MDM4: variants seen among roughly 807,000 people sequenced by gnomAD.
MDM4 encodes the protein protein Mdm4.
In MDM4, 2 loss-of-function variants were observed where a neutral mutation model predicts 60.2. That is an observed-to-expected ratio of 0.03 (90% CI 0.01 to 0.10). The LOEUF is 0.10. MDM4 is among the 10% of genes least tolerant of loss of function. The probability of loss-of-function intolerance (pLI) is 1.00; values close to 1 mark genes in which losing one functional copy is unlikely to be tolerated. For synonymous variants in MDM4, 202 were observed against 198.1 expected (o/e 1.02, Z -0.17); for missense variants, 447 against 577.5 (o/e 0.77, Z 2.32).
At chr1:204,529,430 GC>G in intron 3 of MDM4, 1 of 1,462,184 alleles carries the variant, frequency 6.8e-7, no homozygotes, top group Non-Finnish European at 9.5e-7. Context: ...GACCATAGGG[GC>G]CCCCTGGAGC....
intron 3 of MDM4, among the ~76,000 whole-genome samples, chr1:204,529,928 A>G (rs4252694): frequency 0.58 from 88,608 of 152,048 alleles, 28,012 homozygotes; most frequent in Non-Finnish European, 0.69. Flanking sequence ...CCATGCTGGA[A>G]TGCAGTGGTG....
rs1046399049 is a variant in MDM4, at chr1:204,523,550, C to T, written c.-35-1934C>T. Reference sequence around the variant, plus strand: ...CCAGGCTGGAGTGCAGTGGCACAGTCTTGGCTCACTGCAACCTCCACCTTG... The same window carrying T: ...CCAGGCTGGAGTGCAGTGGCACAGTTTTGGCTCACTGCAACCTCCACCTTG... On this transcript the variant is annotated intron_variant, in intron 1 of 10. Coordinates refer to ENST00000367182, the MANE Select transcript of MDM4 (RefSeq NM_002393.5). 1.8e-4 allele frequency among the ~76,000 whole-genome samples: 22 copies of T among 119,100 alleles called. No homozygotes were observed. The East Asian group carries it at 6.3e-3, about 34-fold the overall frequency. 78.1% of individuals were successfully genotyped at this position (119,100 alleles called of 152,430 possible).
intron 1 of MDM4, among the ~76,000 whole-genome samples, chr1:204,524,975 T>C (rs1363314897): frequency 6.6e-6 from 1 of 152,218 alleles, no homozygotes; most frequent in African/African-American, 2.4e-5. Flanking sequence ...CTGGGGTTGG[T>C]ACATTTACAA....
In MDM4 at chr1:204,553,538, C is replaced by T. The variant is rs546282360; in HGVS notation, c.*3856C>T. The T allele has an allele frequency of 3.1e-5, 7 of 227,266 alleles. No homozygotes were observed. The highest frequency in any genetic ancestry group is 6.1e-5 in the Non-Finnish European group (7 of 114,460). The allele number at this position is 227,266 out of a possible 1,614,324, so 14.1% of individuals were successfully genotyped here. On this transcript the variant is annotated 3_prime_UTR_variant, in exon 11 of 11. Coordinates refer to ENST00000367182, the MANE Select transcript of MDM4 (RefSeq NM_002393.5). ...CTTGATTGTGAGGAAGGATCTGTGT[C>T]ATTGGAGCTTGTTTCTGCTGCAACG...
intron 1 of MDM4, among the ~76,000 whole-genome samples, chr1:204,519,819 A>G (rs1315683745): frequency 6.6e-6 from 1 of 152,078 alleles, no homozygotes. Context: ...GTCTCAAAAC[A>G]TCTATATCTA....
rs1162185612 is a variant in MDM4 at position 204,554,617 on chromosome 1, G to A, written c.*4935G>A. On this transcript the variant is annotated 3_prime_UTR_variant, in exon 11 of 11. Transcript: ENST00000367182. ...ATTTATCAGACTTGTGAGTAAACAAGTTGAAGTTTAGCAGATGAGGGGGAA... is the reference window on the plus strand; with the variant it reads ...ATTTATCAGACTTGTGAGTAAACAAATTGAAGTTTAGCAGATGAGGGGGAA... The A allele has an allele frequency of 8.8e-6, 2 of 227,220 alleles. No individual in the cohort carries two copies. Among genetic ancestry groups the A allele is most frequent in the Admixed American group, 5.7e-5 (1 of 17,580 alleles). The allele number at this position is 227,220 out of a possible 1,614,324, so 14.1% of individuals were successfully genotyped here. A position where few individuals can be genotyped will look rare whatever the true frequency, so the allele number is the denominator to read the frequency against.
Position 204,544,618 on chromosome 1 carries a change from A to G in MDM4, c.756A>G (p.Gly252=). Reference sequence around the variant, plus strand: ...CAGTATCAGAGCAGTTAGGTGTTGGAATAAAAGTTGAAGCTGCTGATACTG... The same window carrying G: ...CAGTATCAGAGCAGTTAGGTGTTGGGATAAAAGTTGAAGCTGCTGATACTG... ...NESVSEQLGV[G]IKVEAADTEQ... The change falls in exon 9 of 11, where the codon GGA becomes GGG. Residue 252 remains glycine, a synonymous_variant. Transcript: ENST00000367182. 6.2e-7 allele frequency: 1 copy of G among 1,613,874 alleles called. No homozygotes were observed. The highest frequency in any genetic ancestry group is 8.5e-7 in the Non-Finnish European group (1 of 1,179,878).
chr1:204,534,494 G>C (rs974399531), intron 5 of MDM4, among the ~76,000 whole-genome samples: 1 of 151,758 alleles, frequency 6.6e-6, no homozygotes, highest in African/African-American at 2.4e-5. Context: ...TGTTGGTTTT[G>C]TTTTGTTTTG....
chr1:204,520,959 G>C (rs1243983171), intron 1 of MDM4, among the ~76,000 whole-genome samples: 1 of 152,148 alleles, frequency 6.6e-6, no homozygotes, highest in Non-Finnish European at 1.5e-5. Flanking sequence ...TTGAATAAAA[G>C]AGTTATGATT....
intron 3 of MDM4, among the ~76,000 whole-genome samples, chr1:204,530,200 G>A (rs1395195127): frequency 6.6e-6 from 1 of 152,114 alleles, no homozygotes; most frequent in Non-Finnish European, 1.5e-5. Flanking sequence ...TAAACACTTG[G>A]ATTTTATGTT....
intron 8 of MDM4, 59 bp downstream of exon 8, chr1:204,543,003 G>T (rs1371351036): frequency 1.4e-5 from 19 of 1,399,064 alleles, no homozygotes; most frequent in South Asian, 2.5e-5. Flanking sequence ...AACATTCTTG[G>T]TTACTCTTGA....
chr1:204,517,929 A>G (rs1222789902), intron 1 of MDM4, among the ~76,000 whole-genome samples: 3 of 151,898 alleles, frequency 2.0e-5, no homozygotes, highest in Admixed American at 1.3e-4. Flanking sequence ...TGGGAGGCCA[A>G]GGGGGCAGGT....
intron 1 of MDM4, 125 bp downstream of exon 1, chr1:204,516,634 G>C (rs949513762): frequency 6.6e-6 from 1 of 152,266 alleles, no homozygotes; most frequent in Non-Finnish European, 1.5e-5. Context: ...GTCGGGCGGC[G>C]TGGGGAAGGC....
rs994027032 is a variant in MDM4, at chr1:204,552,117, C to A, written c.*2435C>A. 2 of 154,476 alleles carry A rather than the reference C, an allele frequency of 1.3e-5. 1 individual carries two copies. The highest frequency in any genetic ancestry group is 4.2e-4 in the South Asian group (2 of 4,812). 9.6% of individuals were successfully genotyped at this position (154,476 alleles called of 1,614,324 possible). ...AGAAACCCCATTTTTACTAAAAATA[C>A]AAAAAATTAGCTGGGCATGGTGGTG... On this transcript the variant is annotated 3_prime_UTR_variant, in exon 11 of 11. Coordinates refer to ENST00000367182, the MANE Select transcript of MDM4 (RefSeq NM_002393.5).
intron 7 of MDM4, among the ~76,000 whole-genome samples, chr1:204,541,507 G>A (rs1662077824): frequency 6.6e-6 from 1 of 152,072 alleles, no homozygotes; most frequent in African/African-American, 2.4e-5. Flanking sequence ...GGCAAGGGCA[G>A]GTATTTAAGA....
At chr1:204,531,996 A>G (rs1308528576) in intron 4 of MDM4, among the ~76,000 whole-genome samples, 195 bp from the exon 5 acceptor site, 1 of 152,170 alleles carries the variant, frequency 6.6e-6, no homozygotes, top group African/African-American at 2.4e-5. Context: ...GCAGAGTAAC[A>G]CAGGGGCCTG....
In MDM4 at chr1:204,530,672, T is replaced by C. The variant is rs376868364; in HGVS notation, c.154-12T>C. The C allele has an allele frequency of 5.0e-6, 8 of 1,614,168 alleles. No homozygotes were observed. Among genetic ancestry groups the C allele is most frequent in the Middle Eastern group, 3.3e-4 (2 of 6,058 alleles). ...CTGGACAGATCACAACATGGTATTTTATTCCATGCAGGTCATGCACTATTT... is the reference window on the plus strand; with the variant it reads ...CTGGACAGATCACAACATGGTATTTCATTCCATGCAGGTCATGCACTATTT... On this transcript the variant is annotated splice_polypyrimidine_tract_variant and intron_variant, in intron 3 of 10. Transcript: ENST00000367182.
chr1:204,553,809 CTT>C lies in MDM4; in HGVS notation c.*4129_*4130del, dbSNP rs549014323. 6.2e-4 allele frequency: 135 copies of C among 219,114 alleles called. No individual in the cohort carries two copies. In the Middle Eastern group the frequency reaches 8.6e-3, roughly 14 times the overall value. The allele number at this position is 219,114 out of a possible 1,614,324, so 13.6% of individuals were successfully genotyped here. Reference sequence around the variant, plus strand: ...TTTTTTATTTAATGCTTAAATCAAACTTTATAAAAATCTTAGACCAGATCTTT... The same window carrying C: ...TTTTTTATTTAATGCTTAAATCAAACTATAAAAATCTTAGACCAGATCTTT... On this transcript the variant is annotated 3_prime_UTR_variant, in exon 11 of 11. Transcript: ENST00000367182.
In MDM4 at chr1:204,538,189, A is replaced by T; in HGVS notation, c.412-20A>T. ...TCAGTTATTTCTACTGCACTGATGG[A>T]CACCTTTCCCTTCTTTCAGCAAAGT... On this transcript the variant is annotated intron_variant, in intron 6 of 10. Transcript: ENST00000367182. 7.1e-7 allele frequency: 1 copy of T among 1,403,252 alleles called. No homozygotes were observed. The highest frequency in any genetic ancestry group is 1.4e-5 in the African/African-American group (1 of 70,684). The allele number at this position is 1,403,252 out of a possible 1,614,324, so 86.9% of individuals were successfully genotyped here. A position where few individuals can be genotyped will look rare whatever the true frequency, so the allele number is the denominator to read the frequency against.
Sources: allele counts gnomAD v4.1 joint callset (sites outside exome capture counted in the v4.1 genomes callset), GRCh38; gene constraint gnomAD v4.1.1; transcripts MANE v1.5; gene names NCBI Gene and HGNC (gene_info 2026-07-23, HGNC 2026-07-21).